Variants in SMARCA2 observed in about 807,000 individuals in gnomAD.
SMARCA2 encodes the protein SWI/SNF related BAF chromatin remodeling complex subunit ATPase 2.
A neutral mutation model predicts 199.8 loss-of-function variants in SMARCA2; 61 were observed. The observed-to-expected ratio is 0.31, with a 90% CI of 0.25 to 0.38. The LOEUF (loss-of-function observed/expected upper bound fraction) is 0.38. Ranked by LOEUF, SMARCA2 falls within the 10% of genes least tolerant of loss-of-function variation. The pLI is 1.00. For synonymous variants in SMARCA2, 935 were observed against 732.0 expected, an observed-to-expected ratio of 1.28 and a Z score of -4.48; for missense variants, 1,344 against 2,012.2, an observed-to-expected ratio of 0.67 and a Z score of 6.35.
intron 15 of SMARCA2, among the ~76,000 whole-genome samples, chr9:2,082,485 TTA>T (rs1821610478): frequency 6.6e-6 from 1 of 152,142 alleles, no homozygotes; most frequent in Admixed American, 6.5e-5. Flanking sequence ...TGCACTGAGG[TTA>T]TGTTTCAATG....
chr9:2,088,879 A>AT (rs375056248), intron 19 of SMARCA2, among the ~76,000 whole-genome samples: 97 of 137,950 alleles, frequency 7.0e-4, no homozygotes, highest in East Asian at 6.0e-3. Flanking sequence ...TTAATTTTAG[A>AT]TTTTTTTTTT....
chr9:2,024,999 T>C (rs1156719469), intron 1 of SMARCA2, among the ~76,000 whole-genome samples: 1 of 152,210 alleles, frequency 6.6e-6, no homozygotes, highest in Non-Finnish European at 1.5e-5. Context: ...AGTTTTGTCA[T>C]GGTTGGAGTG....
At chr9:2,059,154 T>A (rs1321327374) in intron 8 of SMARCA2, among the ~76,000 whole-genome samples, 3 of 152,098 alleles carry the variant, frequency 2.0e-5, no homozygotes, top group Non-Finnish European at 4.4e-5. Context: ...GAGCACACTG[T>A]GGATTTTAGA....
chr9:2,100,635 G>T (rs1479305956), intron 21 of SMARCA2, among the ~76,000 whole-genome samples: 1 of 151,864 alleles, frequency 6.6e-6, no homozygotes, highest in Admixed American at 6.6e-5. Context: ...CTGGGAGGCA[G>T]AGGTTTGCAA....
chr9:2,032,018 T>C (rs1433995407), intron 2 of SMARCA2, among the ~76,000 whole-genome samples: 11 of 152,208 alleles, frequency 7.2e-5, no homozygotes, highest in Non-Finnish European at 1.5e-4. Flanking sequence ...CCATTTTTCT[T>C]CCAAACATCC....
chr9:2,157,719 C>A, intron 27 of SMARCA2: 1 of 388,074 alleles, frequency 2.6e-6, no homozygotes, highest in Non-Finnish European at 4.5e-6. Context: ...CAGGAGTTGG[C>A]TTGGGGCTTT....
Position 2,039,357 on chromosome 9 carries a change from A to T in SMARCA2, c.356-109A>T, listed in dbSNP as rs1042600392. On this transcript the variant is annotated intron_variant, in intron 3 of 33. Coordinates refer to ENST00000349721, the MANE Select transcript of SMARCA2 (RefSeq NM_003070.5). This position sits in a 1 kb window ranked among gnomAD's most constrained non-coding sequence, Gnocchi z 4.8. Reference sequence around the variant, plus strand: ...TAATTAATAAATGATATGTCATTCAAATTTCTGTCAGACAGTGTTGCTGTG... The same window carrying T: ...TAATTAATAAATGATATGTCATTCATATTTCTGTCAGACAGTGTTGCTGTG... The T allele has an allele frequency of 9.9e-7, 1 of 1,007,594 alleles. No homozygotes were observed. The highest frequency in any genetic ancestry group is 1.6e-5 in the African/African-American group (1 of 61,414). The allele number at this position is 1,007,594 out of a possible 1,614,324, so 62.4% of individuals were successfully genotyped here.
At chr9:2,103,123 A>C (rs62534894) in intron 22 of SMARCA2, among the ~76,000 whole-genome samples, 18,042 of 152,054 alleles carry the variant, frequency 0.12, 1,333 homozygotes, top group Middle Eastern at 0.18. Context: ...TTTAGCTAAA[A>C]TGTTATCTCT....
intron 27 of SMARCA2, among the ~76,000 whole-genome samples, chr9:2,146,429 C>G (rs186079449): frequency 6.6e-6 from 1 of 152,182 alleles, no homozygotes. Context: ...ATTCTGTTAC[C>G]GGATCCCACC....
intron 2 of SMARCA2, among the ~76,000 whole-genome samples, chr9:2,031,166 A>T (rs1277849125): frequency 6.6e-6 from 1 of 151,688 alleles, no homozygotes; most frequent in African/African-American, 2.4e-5. Flanking sequence ...TTCTTTTTTC[A>T]TTTAACAATG....
At chr9:2,040,013 T>C in intron 4 of SMARCA2, 113 bp downstream of exon 4, 1 of 1,524,378 alleles carries the variant, frequency 6.6e-7, no homozygotes, top group Non-Finnish European at 8.8e-7. Flanking sequence ...CCTTTTGTTA[T>C]ACCTCACTGG....
chr9:2,178,238 A>G (rs536150930), intron 29 of SMARCA2, among the ~76,000 whole-genome samples: 3 of 152,274 alleles, frequency 2.0e-5, no homozygotes, highest in East Asian at 3.9e-4. Flanking sequence ...CCGTAAGACC[A>G]GTGAGTGCCT....
chr9:2,129,183 G>A lies in SMARCA2; in HGVS notation c.3981+5246G>A, dbSNP rs180701118. Among the ~76,000 whole-genome samples, 62 of 152,240 alleles carry A rather than the reference G, an allele frequency of 4.1e-4. No individual in the cohort carries two copies. In the East Asian group the frequency reaches 7.0e-3, roughly 17 times the overall value. ...CCTGTAATCCCAGCAGTTTGGGAGG[G>A]CGAGGCGGGTGGAACATGAGGTCAG... On this transcript the variant is annotated intron_variant, in intron 27 of 33. Coordinates refer to ENST00000349721, the MANE Select transcript of SMARCA2 (RefSeq NM_003070.5).
intron 27 of SMARCA2, among the ~76,000 whole-genome samples, chr9:2,146,110 G>A (rs1303656855): frequency 2.6e-5 from 4 of 152,296 alleles, no homozygotes; most frequent in South Asian, 2.1e-4. Context: ...CTAGAAGCTG[G>A]GAAGTCCAAG....
chr9:2,039,969 A>T lies in SMARCA2; in HGVS notation c.790+69A>T. Reference sequence around the variant, plus strand: ...CGGATAACAAAGACTGCTCACCAAAACACCGGGTTGTTAAAAGCCCGGGGC... The same window carrying T: ...CGGATAACAAAGACTGCTCACCAAATCACCGGGTTGTTAAAAGCCCGGGGC... On this transcript the variant is annotated intron_variant, in intron 4 of 33. Transcript: ENST00000349721. This position sits in a 1 kb window ranked among gnomAD's most constrained non-coding sequence, Gnocchi z 4.8. 1 of 1,582,654 alleles carries T rather than the reference A, an allele frequency of 6.3e-7. No individual in the cohort carries two copies. Among genetic ancestry groups the T allele is most frequent in the Non-Finnish European group, 8.6e-7 (1 of 1,165,370 alleles).
chr9:2,038,413 T>C (rs1819427191), intron 3 of SMARCA2, among the ~76,000 whole-genome samples: 1 of 152,180 alleles, frequency 6.6e-6, no homozygotes, highest in Non-Finnish European at 1.5e-5. Context: ...AGAACCACTG[T>C]CTTGGTTCAC....
intron 25 of SMARCA2, among the ~76,000 whole-genome samples, chr9:2,117,074 T>G (rs1355890601): frequency 1.3e-5 from 2 of 152,198 alleles, no homozygotes; most frequent in African/African-American, 4.8e-5. Flanking sequence ...ATTGAAAATA[T>G]CAGGACATGG....
intron 1 of SMARCA2, among the ~76,000 whole-genome samples, chr9:2,019,132 C>G (rs1818490499): frequency 6.7e-6 from 1 of 149,138 alleles, no homozygotes; most frequent in South Asian, 2.1e-4. Flanking sequence ...TTGCGGTAGA[C>G]TGAGGGGAAA....
At chr9:2,144,315 CTGTT>C (rs1248240178) in intron 27 of SMARCA2, among the ~76,000 whole-genome samples, 1 of 152,102 alleles carries the variant, frequency 6.6e-6, no homozygotes, top group Non-Finnish European at 1.5e-5. Context: ...CGTACTGTGA[CTGTT>C]AAACTTTCTT....
Sources: allele counts gnomAD v4.1 joint callset (sites outside exome capture counted in the v4.1 genomes callset), GRCh38; gene constraint gnomAD v4.1.1; non-coding constraint Gnocchi (gnomAD v3.1); transcripts MANE v1.5; gene names NCBI Gene and HGNC (gene_info 2026-07-23, HGNC 2026-07-21).